GALNT13: variants seen among roughly 807,000 people sequenced by gnomAD.
GALNT13 encodes polypeptide N-acetylgalactosaminyltransferase 13.
GALNT13 carries 28 observed loss-of-function variants against 64.2 expected under a neutral mutation model. The ratio of observed to expected loss-of-function variants is 0.44; its 90% CI spans 0.32 to 0.60. The LOEUF (loss-of-function observed/expected upper bound fraction) is 0.60. Among genes scored for constraint, GALNT13 ranks in the 20% least tolerant of loss-of-function variants. The pLI is 0.05. For synonymous variants in GALNT13, 214 were observed against 224.6 expected (o/e 0.95, Z 0.42); for missense variants, 577 against 669.8 (o/e 0.86, Z 1.53).
the GALNT13 span, among the ~76,000 whole-genome samples, chr2:153,127,418 A>G: frequency 1.3e-5 from 2 of 152,160 alleles, no homozygotes; most frequent in Non-Finnish European, 2.9e-5. Context: ...GTCACAGAAG[A>G]AGATGACTAC....
intron 7 of GALNT13, among the ~76,000 whole-genome samples, chr2:154,258,126 A>G (rs1057350069): frequency 6.6e-6 from 1 of 152,192 alleles, no homozygotes; most frequent in African/African-American, 2.4e-5. Context: ...TTATGGATCT[A>G]TTTGTGAACA....
At chr2:153,176,634 TTATC>T in the GALNT13 span, among the ~76,000 whole-genome samples, 1 of 151,846 alleles carries the variant, frequency 6.6e-6, no homozygotes, top group African/African-American at 2.4e-5. Flanking sequence ...CTCTGTCTAA[TTATC>T]TATTTAGATC....
the GALNT13 span, among the ~76,000 whole-genome samples, chr2:153,224,888 C>CA: frequency 2.0e-5 from 3 of 152,136 alleles, no homozygotes; most frequent in African/African-American, 7.2e-5. Context: ...AAGATGACTT[C>CA]ACAGTCAAAG....
chr2:153,250,840 C>T, the GALNT13 span, among the ~76,000 whole-genome samples: 1 of 151,688 alleles, frequency 6.6e-6, no homozygotes, highest in Non-Finnish European at 1.5e-5. Context: ...AACGCATGGA[C>T]ATAGGGAGGG....
the GALNT13 span, among the ~76,000 whole-genome samples, chr2:153,800,434 A>G: frequency 6.6e-6 from 1 of 152,124 alleles, no homozygotes; most frequent in Non-Finnish European, 1.5e-5. Flanking sequence ...GTGGCTGTGA[A>G]AACTTCTTAA....
At chr2:154,308,841 A>G (rs926263890) in intron 9 of GALNT13, among the ~76,000 whole-genome samples, 7 of 152,200 alleles carry the variant, frequency 4.6e-5, no homozygotes, top group African/African-American at 1.7e-4. Flanking sequence ...GAAAATAAAG[A>G]ATGACAGCTA....
At chr2:153,863,798 G>A in the GALNT13 span, among the ~76,000 whole-genome samples, 1 of 152,098 alleles carries the variant, frequency 6.6e-6, no homozygotes, top group Non-Finnish European at 1.5e-5. Flanking sequence ...GTCCCGTGAA[G>A]CAATGATACA....
the GALNT13 span, among the ~76,000 whole-genome samples, chr2:153,315,355 G>A: frequency 3.3e-5 from 5 of 152,192 alleles, no homozygotes; most frequent in Admixed American, 6.5e-5. Context: ...CATGGTAGAA[G>A]AGATGAAGCA....
At position 154,145,119 on chromosome 2, in the gene GALNT13, T is replaced by TATACAC. The variant is rs1444821982; in HGVS notation, c.311+4615_311+4616insTACACA. On this transcript the variant is annotated intron_variant, in intron 4 of 12. Coordinates refer to ENST00000392825, the MANE Select transcript of GALNT13 (RefSeq NM_052917.4). ...ATCTATCTATATATATATATATATA[T>TATACAC]ACACACACTAAAAATTTACATATAA... is the stretch of plus-strand genomic sequence containing the variant. 0.015 allele frequency among the ~76,000 whole-genome samples: 2,085 copies of TATACAC among 136,306 alleles called. 84 individuals are homozygous for TATACAC. The East Asian group carries it at 0.2, about 13-fold the overall frequency. 89.4% of individuals were successfully genotyped at this position (136,306 alleles called of 152,430 possible).
At chr2:153,440,388 G>A in the GALNT13 span, among the ~76,000 whole-genome samples, 1 of 152,170 alleles carries the variant, frequency 6.6e-6, no homozygotes, top group African/African-American at 2.4e-5. Context: ...CTTTGCTGTT[G>A]TGAACAGTGT....
the GALNT13 span, among the ~76,000 whole-genome samples, chr2:153,529,154 C>T: frequency 6.6e-6 from 1 of 151,390 alleles, no homozygotes; most frequent in African/African-American, 2.4e-5. Context: ...TAAAGTTAAA[C>T]AAAACTTACA....
chr2:153,544,655 A>G, the GALNT13 span, among the ~76,000 whole-genome samples: 3 of 152,202 alleles, frequency 2.0e-5, no homozygotes, highest in Non-Finnish European at 4.4e-5. Flanking sequence ...TTCAGGTAAG[A>G]TTTCTCTATT....
the GALNT13 span, among the ~76,000 whole-genome samples, chr2:153,351,493 C>G: frequency 6.6e-6 from 1 of 152,236 alleles, no homozygotes; most frequent in East Asian, 1.9e-4. Context: ...CCATAGTTTA[C>G]GTTAGTTCAC....
chr2:153,178,483 G>A, the GALNT13 span, among the ~76,000 whole-genome samples: 1 of 152,050 alleles, frequency 6.6e-6, no homozygotes, highest in African/African-American at 2.4e-5. Context: ...TTTGTCATAT[G>A]TCTATTGGCC....
chr2:153,517,837 C>T, the GALNT13 span, among the ~76,000 whole-genome samples: 1 of 152,086 alleles, frequency 6.6e-6, no homozygotes, highest in African/African-American at 2.4e-5. Flanking sequence ...TTCAAGGTAT[C>T]TCCCCTAGGA....
At chr2:153,418,477 AAG>A in the GALNT13 span, among the ~76,000 whole-genome samples, 1 of 152,210 alleles carries the variant, frequency 6.6e-6, no homozygotes, top group East Asian at 1.9e-4. Flanking sequence ...ACAGATAGAT[AAG>A]AGAGTGTCAT....
the GALNT13 span, among the ~76,000 whole-genome samples, chr2:153,517,840 C>T: frequency 5.9e-5 from 9 of 152,008 alleles, no homozygotes; most frequent in Admixed American, 5.2e-4. Flanking sequence ...AAGGTATCTC[C>T]CCTAGGATGC....
At chr2:153,657,519 A>G in the GALNT13 span, among the ~76,000 whole-genome samples, 1 of 152,150 alleles carries the variant, frequency 6.6e-6, no homozygotes, top group African/African-American at 2.4e-5. Context: ...TCTGAAACAA[A>G]GAAAGACTAC....
the GALNT13 span, among the ~76,000 whole-genome samples, chr2:153,741,741 A>T: frequency 6.6e-6 from 1 of 152,220 alleles, no homozygotes; most frequent in Non-Finnish European, 1.5e-5. Flanking sequence ...TTTCCCTAGA[A>T]ATGTGACTTT....
Sources: gnomAD v4.1 joint callset for allele counts (sites outside exome capture counted in the v4.1 genomes callset) on GRCh38, gnomAD v4.1.1 for gene constraint, MANE v1.5 for transcripts, NCBI Gene and HGNC (gene_info 2026-07-23, HGNC 2026-07-21) for gene names.